AXDND1: variants seen among roughly 807,000 people sequenced by gnomAD.
AXDND1 encodes the protein axonemal dynein light chain domain containing 1.
Under a neutral mutation model 137.5 loss-of-function variants are expected in AXDND1, and 110 were observed. That is an observed-to-expected ratio of 0.80 (90% confidence interval 0.69 to 0.94). The LOEUF (loss-of-function observed/expected upper bound fraction) is 0.94, where lower values mean the gene tolerates loss of function less well. Ranked by LOEUF, AXDND1 falls within the 40% of genes least tolerant of loss-of-function variation. AXDND1 has a pLI of 0.00. For missense variants in AXDND1, 1,191 were observed against 1,169.8 expected, an observed-to-expected ratio of 1.02 and a Z score of -0.26; for synonymous variants, 414 against 399.7, an observed-to-expected ratio of 1.04 and a Z score of -0.43.
At chr1:179,488,653 T>TTC (rs1169142385) in intron 18 of AXDND1, among the ~76,000 whole-genome samples, 7 of 116,094 alleles carry the variant, frequency 6.0e-5, no homozygotes, top group South Asian at 2.5e-4. Context: ...CTTTCTTTCT[T>TTC]TCTTTCTTTC....
At chr1:179,393,070 T>A (rs1264176256) in intron 9 of AXDND1, among the ~76,000 whole-genome samples, 1 of 152,176 alleles carries the variant, frequency 6.6e-6, no homozygotes, top group African/African-American at 2.4e-5. Context: ...GAAGAGTTTT[T>A]CTGATGTTAT....
intron 14 of AXDND1, among the ~76,000 whole-genome samples, chr1:179,431,744 T>G (rs1414364414): frequency 2.6e-5 from 4 of 152,160 alleles, no homozygotes; most frequent in African/African-American, 9.7e-5. Context: ...TACCCATTTC[T>G]ATTGTTTGTT....
chr1:179,505,575 G>A (rs1321828598), intron 20 of AXDND1, among the ~76,000 whole-genome samples: 1 of 151,680 alleles, frequency 6.6e-6, no homozygotes, highest in African/African-American at 2.4e-5. Context: ...TTGAACCCGG[G>A]AGGTAGAGGT....
intron 20 of AXDND1, among the ~76,000 whole-genome samples, chr1:179,493,835 G>T (rs1460443842): frequency 6.6e-6 from 1 of 152,134 alleles, no homozygotes; most frequent in African/African-American, 2.4e-5. Context: ...TCCAAAATAT[G>T]TACAAATATG....
chr1:179,436,823 A>G (rs1558177132), intron 15 of AXDND1, among the ~76,000 whole-genome samples: 1 of 152,074 alleles, frequency 6.6e-6, no homozygotes, highest in African/African-American at 2.4e-5. Context: ...ACAAACCTGC[A>G]CATTCTGCAC....
At chr1:179,494,515 A>G (rs1379175564) in intron 20 of AXDND1, among the ~76,000 whole-genome samples, 1 of 149,248 alleles carries the variant, frequency 6.7e-6, no homozygotes, top group Non-Finnish European at 1.5e-5. Flanking sequence ...TGATTTTAAA[A>G]TATCTTCTCT....
chr1:179,371,280 T>A (rs1490082814), intron 4 of AXDND1, among the ~76,000 whole-genome samples: 2 of 152,002 alleles, frequency 1.3e-5, no homozygotes, highest in East Asian at 3.9e-4. Flanking sequence ...ATACAAAAAT[T>A]AGCCAGGCGT....
intron 25 of AXDND1, chr1:179,544,241 G>A (rs1270484383): frequency 6.6e-6 from 1 of 152,226 alleles, no homozygotes; most frequent in Non-Finnish European, 1.5e-5. Context: ...GCTTATGCAA[G>A]TTTGTTAGCC....
chr1:179,432,148 G>A, intron 14 of AXDND1, 119 bp from the exon 15 acceptor site: 6 of 1,288,366 alleles, frequency 4.7e-6, no homozygotes, highest in Non-Finnish European at 5.2e-6. Flanking sequence ...GACCTGGAAG[G>A]CATGCTTCAA....
intron 25 of AXDND1, among the ~76,000 whole-genome samples, chr1:179,540,373 G>A (rs1188690092): frequency 6.6e-6 from 1 of 152,144 alleles, no homozygotes; most frequent in Non-Finnish European, 1.5e-5. Flanking sequence ...TATGGATGGG[G>A]TTTTGGTGTG....
At chr1:179,478,822 G>A (rs763415798) in intron 17 of AXDND1, among the ~76,000 whole-genome samples, 69 of 152,290 alleles carry the variant, frequency 4.5e-4, no homozygotes, top group Non-Finnish European at 2.2e-4. Context: ...ATACCTGGCT[G>A]GGTATGGTGA....
At chr1:179,399,429 A>G (rs911383284) in intron 11 of AXDND1, among the ~76,000 whole-genome samples, 2 of 152,178 alleles carry the variant, frequency 1.3e-5, no homozygotes, top group African/African-American at 4.8e-5. Context: ...AAATCAACTC[A>G]AGATGAACTA....
rs1201528205 is a variant in AXDND1, at chr1:179,468,656, GTTTCT to G, written c.1997+19_1997+23del. The G allele has an allele frequency of 6.4e-7, 1 of 1,567,602 alleles. No homozygotes were observed. The highest frequency in any genetic ancestry group is 8.6e-7 in the Non-Finnish European group (1 of 1,161,446). ...GATTCTGTTTCGTAAGTTCCCATAG[GTTTCT>G]TTTGTTCTGAGATAATTTTCCTAAA... On this transcript the variant is annotated intron_variant, in intron 17 of 25. Transcript: ENST00000367618.
intron 18 of AXDND1, among the ~76,000 whole-genome samples, chr1:179,486,119 CAAAAAAAAAA>C (rs1173009992): frequency 4.4e-5 from 1 of 22,646 alleles, no homozygotes; most frequent in African/African-American, 1.3e-4. Flanking sequence ...AACTCTGTCT[CAAAAAAAAAA>C]AAAAAAAAAA....
At chr1:179,440,467 T>C (rs879668087) in intron 15 of AXDND1, among the ~76,000 whole-genome samples, 4 of 152,248 alleles carry the variant, frequency 2.6e-5, no homozygotes, top group Non-Finnish European at 5.9e-5. Flanking sequence ...AAATTTCATT[T>C]GGAGCCAAAC....
At chr1:179,540,124 A>G (rs549916037) in intron 25 of AXDND1, among the ~76,000 whole-genome samples, 1 of 152,146 alleles carries the variant, frequency 6.6e-6, no homozygotes, top group East Asian at 1.9e-4. Context: ...AGCTTCCTTG[A>G]GATGGGTTAG....
At chr1:179,473,515 C>T (rs1168991833) in intron 17 of AXDND1, among the ~76,000 whole-genome samples, 4 of 152,014 alleles carry the variant, frequency 2.6e-5, no homozygotes, top group Non-Finnish European at 4.4e-5. Context: ...AAAGAATTAG[C>T]TTCAGATTTA....
At chr1:179,460,901 TG>T (rs1260696033) in intron 16 of AXDND1, among the ~76,000 whole-genome samples, 2 of 152,228 alleles carry the variant, frequency 1.3e-5, no homozygotes, top group East Asian at 3.8e-4. Context: ...TGGGGTTGTT[TG>T]TTTTTTTCTT....
intron 11 of AXDND1, among the ~76,000 whole-genome samples, chr1:179,409,535 T>A (rs940767000): frequency 5.3e-5 from 8 of 152,206 alleles, no homozygotes; most frequent in African/African-American, 1.9e-4. Flanking sequence ...ATTTTGGTTT[T>A]TTCATTGTGT....
Sources: gnomAD v4.1 joint callset for allele counts (sites outside exome capture counted in the v4.1 genomes callset) on GRCh38, gnomAD v4.1.1 for gene constraint, MANE v1.5 for transcripts, NCBI Gene and HGNC (gene_info 2026-07-23, HGNC 2026-07-21) for gene names.